Variants in GAREM1 observed in about 807,000 individuals in gnomAD.
GAREM1 encodes GRB2-associated and regulator of MAPK protein 1.
In GAREM1, 26 loss-of-function variants were observed where a neutral mutation model predicts 71.3. The ratio of observed to expected loss-of-function variants is 0.36; its 90% CI spans 0.27 to 0.51. The LOEUF (loss-of-function observed/expected upper bound fraction) is 0.51. Among genes scored for constraint, GAREM1 ranks in the 20% least tolerant of loss-of-function variants. The pLI is 0.95. For missense variants in GAREM1, 1,026 were observed against 1,103.1 expected (o/e 0.93, Z 0.99); for synonymous variants, 440 against 433.2 (o/e 1.02, Z -0.20).
intron 1 of GAREM1, among the ~76,000 whole-genome samples, chr18:32,423,812 T>C (rs2048545309): frequency 6.6e-6 from 1 of 152,188 alleles, no homozygotes. Flanking sequence ...TTTCATATGT[T>C]AGACCTGACT....
At chr18:32,374,731 C>T (rs1278888897) in intron 2 of GAREM1, among the ~76,000 whole-genome samples, 1 of 152,172 alleles carries the variant, frequency 6.6e-6, no homozygotes, top group Non-Finnish European at 1.5e-5. Context: ...TAAGTTAACA[C>T]CTGTTTGTGT....
rs2041399462 is a variant in GAREM1 at position 32,268,045 on chromosome 18, T to A, written c.2457A>T (p.Ser819=). ...SGLSIEEVSK[S]LRFIGLSEDV... ...CTTCGGACAAACCAATGAACCGTAG[T>A]GACTTGGACACTTCCTCTATAGAGA... The change falls in exon 6 of 6, where the codon TCA becomes TCT. Residue 819 remains serine (S), a synonymous_variant. Coordinates refer to ENST00000269209, the MANE Select transcript of GAREM1 (RefSeq NM_001242409.2). 1.9e-6 allele frequency: 3 copies of A among 1,614,014 alleles called. No individual in the cohort carries two copies. The highest frequency in any genetic ancestry group is 2.5e-6 in the Non-Finnish European group (3 of 1,180,008).
At chr18:32,328,462 T>A (rs2047494580) in intron 2 of GAREM1, among the ~76,000 whole-genome samples, 1 of 152,134 alleles carries the variant, frequency 6.6e-6, no homozygotes, top group Non-Finnish European at 1.5e-5. Flanking sequence ...TCACCTAAAG[T>A]CTAGCTGAAA....
At chr18:32,421,139 C>T (rs572073020) in intron 1 of GAREM1, among the ~76,000 whole-genome samples, 4 of 152,126 alleles carry the variant, frequency 2.6e-5, no homozygotes, top group Non-Finnish European at 4.4e-5. Context: ...CAAGCACAGG[C>T]CCAGTAAGTT....
chr18:32,330,166 C>T lies in GAREM1; in HGVS notation c.263-19843G>A, dbSNP rs139934949. ...TGTGGTACATATATACCACAGAATA[C>T]TACACAGCCATAAACGAGAACAAAT... On this transcript the variant is annotated intron_variant, in intron 2 of 5. Coordinates refer to ENST00000269209, the MANE Select transcript of GAREM1 (RefSeq NM_001242409.2). Among the ~76,000 whole-genome samples, 604 of 152,268 alleles carry T rather than the reference C, an allele frequency of 4.0e-3. 8 individuals are homozygous for T. Among genetic ancestry groups the T allele is most frequent in the African/African-American group, 0.014 (578 of 41,518 alleles).
intron 3 of GAREM1, among the ~76,000 whole-genome samples, chr18:32,293,146 C>T (rs779058009): frequency 1.3e-5 from 2 of 150,328 alleles, no homozygotes; most frequent in Non-Finnish European, 3.0e-5. Context: ...GACACACAGA[C>T]ACACACACAC....
intron 2 of GAREM1, among the ~76,000 whole-genome samples, chr18:32,363,462 G>A (rs2047887141): frequency 6.6e-6 from 1 of 152,016 alleles, no homozygotes. Context: ...TTTATAGTAG[G>A]TAAAACTAAA....
intron 1 of GAREM1, among the ~76,000 whole-genome samples, chr18:32,457,933 G>A (rs2048912796): frequency 6.6e-6 from 1 of 152,006 alleles, no homozygotes; most frequent in African/African-American, 2.4e-5. Context: ...AGTCATTACA[G>A]TGAAGTCAAT....
At chr18:32,469,573 C>G (rs2049030070) in intron 1 of GAREM1, among the ~76,000 whole-genome samples, 1 of 152,186 alleles carries the variant, frequency 6.6e-6, no homozygotes, top group Admixed American at 6.5e-5. Flanking sequence ...GCAGAATAAA[C>G]AGTTGGAGGA....
At chr18:32,362,743 T>A (rs1175006758) in intron 2 of GAREM1, among the ~76,000 whole-genome samples, 1 of 152,192 alleles carries the variant, frequency 6.6e-6, no homozygotes, top group Admixed American at 6.5e-5. Context: ...TTTCAAGATA[T>A]TGTAACTATC....
chr18:32,364,889 CACACACACACACACAA>C (rs2144617667), intron 2 of GAREM1, among the ~76,000 whole-genome samples: 2 of 152,250 alleles, frequency 1.3e-5, no homozygotes, highest in African/African-American at 4.8e-5. Context: ...CACACACACA[CACACACACACACACAA>C]ATCAAACACT....
In GAREM1 at chr18:32,387,086, G is replaced by T. The variant is rs140441379; in HGVS notation, c.262+5809C>A. ...AGTTAGGTTTCAGGCCCTAGAAAGG[G>T]TCAGCATAAACAAGGGCCCCGAGAC... On this transcript the variant is annotated intron_variant, in intron 2 of 5. Coordinates refer to ENST00000269209, the MANE Select transcript of GAREM1 (RefSeq NM_001242409.2). Among the ~76,000 whole-genome samples the T allele has an allele frequency of 7.5e-4, 113 of 149,742 alleles. 1 individual carries two copies. The East Asian group carries it at 0.018, about 24-fold the overall frequency.
At chr18:32,300,577 G>A (rs1177208059) in intron 3 of GAREM1, among the ~76,000 whole-genome samples, 3 of 152,182 alleles carry the variant, frequency 2.0e-5, no homozygotes, top group African/African-American at 7.2e-5. Flanking sequence ...ATCACAAGCG[G>A]CTCTGTCTGT....
In GAREM1 at chr18:32,265,273, CA is replaced by C. The variant is rs1173510600; in HGVS notation, c.*2597del. The C allele has an allele frequency of 2.6e-5, 4 of 151,864 alleles. No homozygotes were observed. Among genetic ancestry groups the C allele is most frequent in the Non-Finnish European group, 5.9e-5 (4 of 68,006 alleles). 9.4% of individuals were successfully genotyped at this position (151,864 alleles called of 1,614,324 possible). ...CCAGGTCAGTAAAAAAAACAAAAAA[CA>C]AAAAACAAAAAAACAACAACACTAG... On this transcript the variant is annotated 3_prime_UTR_variant, in exon 6 of 6. Coordinates refer to ENST00000269209, the MANE Select transcript of GAREM1 (RefSeq NM_001242409.2).
chr18:32,376,260 A>G (rs925645080), intron 2 of GAREM1, among the ~76,000 whole-genome samples: 2 of 152,220 alleles, frequency 1.3e-5, no homozygotes, highest in Admixed American at 6.5e-5. Context: ...AATTGTCTCC[A>G]CTTAGATCAG....
chr18:32,457,224 A>ATGTGTGTGTGTGT (rs1555648700), intron 1 of GAREM1, among the ~76,000 whole-genome samples: 1 of 107,362 alleles, frequency 9.3e-6, no homozygotes, highest in Non-Finnish European at 1.9e-5. Flanking sequence ...AGAGAGAGAG[A>ATGTGTGTGTGTGT]GAGTGTGTGT....
intron 4 of GAREM1, among the ~76,000 whole-genome samples, chr18:32,283,706 T>A (rs1040755053): frequency 5.9e-5 from 9 of 152,130 alleles, no homozygotes; most frequent in Admixed American, 6.5e-5. Context: ...ACAAAATACA[T>A]GAATGGGATT....
chr18:32,469,154 A>C (rs1240549123), intron 1 of GAREM1, among the ~76,000 whole-genome samples: 1 of 152,086 alleles, frequency 6.6e-6, no homozygotes, highest in Non-Finnish European at 1.5e-5. Flanking sequence ...CAGATATACA[A>C]ATGTCTAATC....
intron 1 of GAREM1, among the ~76,000 whole-genome samples, chr18:32,411,966 A>C (rs1203669229): frequency 2.0e-5 from 3 of 152,206 alleles, no homozygotes; most frequent in Admixed American, 6.5e-5. Flanking sequence ...ATCTACATTA[A>C]AACGCTTTGT....
Sources: allele counts gnomAD v4.1 joint callset (sites outside exome capture counted in the v4.1 genomes callset), GRCh38; gene constraint gnomAD v4.1.1; transcripts MANE v1.5; gene names NCBI Gene and HGNC (gene_info 2026-07-23, HGNC 2026-07-21).